Variants in PLEKHA7 observed in about 807,000 individuals in gnomAD.
The protein encoded by PLEKHA7 is pleckstrin homology domain-containing family A member 7.
A neutral mutation model predicts 170.0 loss-of-function variants in PLEKHA7; 104 were observed. The ratio of observed to expected loss-of-function variants is 0.61; its 90% confidence interval spans 0.52 to 0.72. PLEKHA7 has a LOEUF of 0.72. Ranked by LOEUF, PLEKHA7 falls within the 30% of genes least tolerant of loss-of-function variation. The pLI is 0.00. For synonymous variants in PLEKHA7, 648 were observed against 660.8 expected, an observed-to-expected ratio of 0.98 and a Z score of 0.30; for missense variants, 1,615 against 1,671.7, an observed-to-expected ratio of 0.97 and a Z score of 0.59.
chr11:16,933,484 C>T (rs1464714934), intron 3 of PLEKHA7, among the ~76,000 whole-genome samples: 2 of 152,164 alleles, frequency 1.3e-5, no homozygotes, highest in African/African-American at 2.4e-5. Context: ...GTAGTGCCAA[C>T]AGGACTCACT....
At position 17,014,186 on chromosome 11, in the gene PLEKHA7, G is replaced by A; in HGVS notation, c.102C>T (p.Cys34=). 6.3e-7 allele frequency: 1 copy of A among 1,595,756 alleles called. No homozygotes were observed. Among genetic ancestry groups the A allele is most frequent in the East Asian group, 2.3e-5 (1 of 43,256 alleles). ...CGGTGCGCGGATGCAGCCAGGTCGT[G>A]CAGCGGAGCTGGTCACTGCGGGCAG... The part of the protein sequence containing the change: ...RVFFINDQLR[C]TTWLHPRTGE... The change falls in exon 2 of 27, where the codon TGC becomes TGT. Residue 34 remains cysteine (C), a synonymous_variant. Transcript: ENST00000531066.
intron 3 of PLEKHA7, among the ~76,000 whole-genome samples, chr11:16,949,057 T>C (rs914906827): frequency 3.3e-5 from 5 of 152,154 alleles, no homozygotes; most frequent in African/African-American, 1.2e-4. Context: ...ATACACTGGA[T>C]TTCTTACCTC....
At chr11:16,880,722 G>A (rs1855645070) in intron 3 of PLEKHA7, among the ~76,000 whole-genome samples, 2 of 152,178 alleles carry the variant, frequency 1.3e-5, no homozygotes, top group South Asian at 2.1e-4. Flanking sequence ...CAGAAACTGC[G>A]GCCCGAGAAA....
chr11:16,906,566 G>A (rs1590565895), intron 3 of PLEKHA7, among the ~76,000 whole-genome samples: 1 of 138,800 alleles, frequency 7.2e-6, no homozygotes, highest in African/African-American at 3.2e-5. Context: ...CGAGTGATCT[G>A]CCAGCCTCGG....
Position 16,888,010 on chromosome 11 carries a change from G to A in PLEKHA7, c.222-16828C>T, listed in dbSNP as rs796621529. Among the ~76,000 whole-genome samples the A allele has an allele frequency of 1.2e-3, 159 of 131,472 alleles. 2 individuals are homozygous for A. The East Asian group carries it at 0.013, about 11-fold the overall frequency. 86.3% of individuals were successfully genotyped at this position (131,472 alleles called of 152,430 possible). A position where few individuals can be genotyped will look rare whatever the true frequency, so the allele number is the denominator to read the frequency against. Reference sequence around the variant, plus strand: ...GGGAGCACCTCTGCCCCGCCGCCCCGTCTGGGATGTGAGGAGCGCCTCTGC... The same window carrying A: ...GGGAGCACCTCTGCCCCGCCGCCCCATCTGGGATGTGAGGAGCGCCTCTGC... On this transcript the variant is annotated intron_variant, in intron 3 of 26. Coordinates refer to ENST00000531066, the MANE Select transcript of PLEKHA7 (RefSeq NM_001329630.2).
chr11:16,952,940 C>T (rs767113364), intron 3 of PLEKHA7, among the ~76,000 whole-genome samples: 2 of 152,286 alleles, frequency 1.3e-5, no homozygotes, highest in South Asian at 2.1e-4. Flanking sequence ...TTTTAATTTG[C>T]TTTTTCACAA....
At chr11:16,969,653 G>A (rs911413005) in intron 3 of PLEKHA7, among the ~76,000 whole-genome samples, 3 of 152,148 alleles carry the variant, frequency 2.0e-5, no homozygotes, top group African/African-American at 7.2e-5. Flanking sequence ...CCAAGCAGGG[G>A]ATCATAATCT....
chr11:17,009,784 T>C (rs373798237), intron 3 of PLEKHA7, among the ~76,000 whole-genome samples: 5 of 152,154 alleles, frequency 3.3e-5, no homozygotes, highest in African/African-American at 1.2e-4. Context: ...TACAGGAGCA[T>C]ACCACCATTA....
chr11:16,850,018 G>C (rs547248384), intron 8 of PLEKHA7, among the ~76,000 whole-genome samples: 4 of 152,278 alleles, frequency 2.6e-5, no homozygotes, highest in African/African-American at 9.6e-5. Context: ...TATGGCTCCA[G>C]ATCAAGGTGT....
At chr11:16,981,765 G>A (rs1292300054) in intron 3 of PLEKHA7, among the ~76,000 whole-genome samples, 1 of 152,136 alleles carries the variant, frequency 6.6e-6, no homozygotes, top group African/African-American at 2.4e-5. Context: ...CAATTAAAAT[G>A]CATTCTGCCA....
At chr11:16,956,342 T>C (rs527501843) in intron 3 of PLEKHA7, among the ~76,000 whole-genome samples, 1 of 152,276 alleles carries the variant, frequency 6.6e-6, no homozygotes, top group East Asian at 1.9e-4. Flanking sequence ...GAATACTCAT[T>C]CTGTACCAGG....
At chr11:16,809,342 C>T (rs1416553933) in intron 13 of PLEKHA7, among the ~76,000 whole-genome samples, 4 of 152,166 alleles carry the variant, frequency 2.6e-5, no homozygotes, top group Non-Finnish European at 5.9e-5. Context: ...TCCTTAAGTC[C>T]TTGGCCTCTC....
chr11:16,854,152 G>T (rs1853226700), intron 6 of PLEKHA7, among the ~76,000 whole-genome samples: 2 of 152,184 alleles, frequency 1.3e-5, no homozygotes, highest in African/African-American at 2.4e-5. Context: ...TGAATGACTG[G>T]CAAGGAGAGA....
chr11:16,852,856 A>G (rs570898375), intron 6 of PLEKHA7, among the ~76,000 whole-genome samples: 12 of 152,336 alleles, frequency 7.9e-5, no homozygotes, highest in African/African-American at 2.9e-4. Context: ...CCTTCCATTC[A>G]ATATAAAAGA....
intron 23 of PLEKHA7, chr11:16,787,095 G>A: frequency 2.0e-6 from 2 of 985,438 alleles, no homozygotes; most frequent in Non-Finnish European, 2.4e-6. Context: ...AGCTTCCCAA[G>A]AGGGAAAATC....
Position 16,982,780 on chromosome 11 carries a change from T to TACACACACACACACAC in PLEKHA7, c.221+31193_221+31208dup, listed in dbSNP as rs35725815. ...AGACTTCACCTCCCTCACTATCCCC[T>TACACACACACACACAC]ACACACACACACACACACACACACA... On this transcript the variant is annotated intron_variant, in intron 3 of 26. Transcript: ENST00000531066. 6.5e-3 allele frequency among the ~76,000 whole-genome samples: 937 copies of TACACACACACACACAC among 144,098 alleles called. 9 individuals are homozygous for TACACACACACACACAC. The highest frequency in any genetic ancestry group is 0.013 in the African/African-American group (494 of 38,318). The allele number at this position is 144,098 out of a possible 152,430, so 94.5% of individuals were successfully genotyped here. A position where few individuals can be genotyped will look rare whatever the true frequency, so the allele number is the denominator to read the frequency against.
chr11:16,871,924 C>A (rs1362345854), intron 3 of PLEKHA7, among the ~76,000 whole-genome samples: 1 of 148,678 alleles, frequency 6.7e-6, no homozygotes, highest in African/African-American at 2.5e-5. Flanking sequence ...CTTTTAAAAA[C>A]AAAATATGAT....
intron 19 of PLEKHA7, among the ~76,000 whole-genome samples, chr11:16,793,128 A>C (rs986685798): frequency 6.6e-6 from 1 of 152,216 alleles, no homozygotes; most frequent in Non-Finnish European, 1.5e-5. Context: ...GAAAATGAGG[A>C]GGCTCAGGGA....
intron 3 of PLEKHA7, among the ~76,000 whole-genome samples, chr11:16,898,752 C>G (rs570826851): frequency 6.6e-6 from 1 of 152,148 alleles, no homozygotes; most frequent in African/African-American, 2.4e-5. Flanking sequence ...TCATCTCTCA[C>G]GTGGACTAGT....
Sources: gnomAD v4.1 joint callset for allele counts (sites outside exome capture counted in the v4.1 genomes callset) on GRCh38, gnomAD v4.1.1 for gene constraint, MANE v1.5 for transcripts, NCBI Gene and HGNC (gene_info 2026-07-23, HGNC 2026-07-21) for gene names.